The following CDADC1 variants were observed in gnomAD, a reference collection of about 807,000 sequenced individuals.
CDADC1 encodes the protein cytidine and dCMP deaminase domain containing 1, also known as dCTP deaminase.
CDADC1 carries 39 observed loss-of-function variants against 54.9 expected under a neutral mutation model. The ratio of observed to expected loss-of-function variants is 0.71; its 90% CI spans 0.55 to 0.93. The LOEUF is 0.93. Among genes scored for constraint, CDADC1 ranks in the 40% least tolerant of loss-of-function variants. The pLI is 0.00. For synonymous variants in CDADC1, 186 were observed against 204.0 expected (o/e 0.91, Z 0.75); for missense variants, 518 against 618.8 (o/e 0.84, Z 1.73).
In CDADC1 at chr13:49,248,941, A is replaced by T. The variant is rs1176000119; in HGVS notation, c.153A>T (p.Ala51=). 1 of 1,611,842 alleles carries T rather than the reference A, an allele frequency of 6.2e-7. No individual in the cohort carries two copies. Among genetic ancestry groups the T allele is most frequent in the African/African-American group, 1.3e-5 (1 of 74,908 alleles). The part of the protein sequence containing the change: ...LLSLWMELFP[A]EAQRQKSQKN... ...GCCTCTGGATGGAGCTCTTTCCAGC[A>T]GAAGCCCAGCGGCAAAAATCTCAGG... Residue 51 remains alanine (A), a synonymous_variant, in exon 2 of 10, where the codon GCA becomes GCT. Coordinates refer to ENST00000251108, the MANE Select transcript of CDADC1 (RefSeq NM_030911.4).
Position 49,282,767 on chromosome 13 carries a change from A to G in CDADC1, c.1410+2069A>G, listed in dbSNP as rs1335453026. ...AAGCTCTGCCTCCGGCCAGATCAGC[A>G]GCGGCATTAGATTCTCATGTGAGTG... is the stretch of plus-strand genomic sequence containing the variant. On this transcript the variant is annotated intron_variant, in intron 8 of 9. Coordinates refer to ENST00000251108, the MANE Select transcript of CDADC1 (RefSeq NM_030911.4). Among the ~76,000 whole-genome samples the G allele has an allele frequency of 2.6e-5, 4 of 152,374 alleles. No individual in the cohort carries two copies. In the South Asian group the frequency reaches 6.2e-4, roughly 24 times the overall value.
intron 6 of CDADC1, among the ~76,000 whole-genome samples, chr13:49,275,067 G>T (rs984531217): frequency 9.3e-5 from 14 of 150,358 alleles, no homozygotes; most frequent in African/African-American, 3.4e-4. Flanking sequence ...AGGATAACAT[G>T]AATATTCTTG....
At chr13:49,255,462 C>T (rs1952521815) in intron 2 of CDADC1, among the ~76,000 whole-genome samples, 1 of 152,216 alleles carries the variant, frequency 6.6e-6, no homozygotes. Context: ...ACCTTTGCTA[C>T]ATAGTTCCTT....
intron 6 of CDADC1, among the ~76,000 whole-genome samples, chr13:49,274,952 G>A (rs1023149223): frequency 6.6e-6 from 1 of 151,984 alleles, no homozygotes; most frequent in Non-Finnish European, 1.5e-5. Context: ...ACCTTTGCTT[G>A]GAAAAATAAG....
chr13:49,266,575 CAT>C (rs1206112285), intron 4 of CDADC1, among the ~76,000 whole-genome samples: 1 of 152,198 alleles, frequency 6.6e-6, no homozygotes, highest in African/African-American at 2.4e-5. Flanking sequence ...CCCAACATCA[CAT>C]AAGAATTTTT....
Position 49,248,037 on chromosome 13 carries a change from G to A in CDADC1, c.-1G>A. On this transcript the variant is annotated 5_prime_UTR_variant, in exon 1 of 10. Coordinates refer to ENST00000251108, the MANE Select transcript of CDADC1 (RefSeq NM_030911.4). ...TGGCAGCAGAGGACGCTAGGTTTGGGATGAAAGAAGCTGGGCAGATGCAAA... is the reference window on the plus strand; with the variant it reads ...TGGCAGCAGAGGACGCTAGGTTTGGAATGAAAGAAGCTGGGCAGATGCAAA... 2.6e-6 allele frequency: 4 copies of A among 1,552,774 alleles called. No individual in the cohort carries two copies. The highest frequency in any genetic ancestry group is 3.5e-6 in the Non-Finnish European group (4 of 1,147,666).
intron 2 of CDADC1, among the ~76,000 whole-genome samples, chr13:49,253,902 C>T (rs1403830454): frequency 6.6e-6 from 1 of 152,188 alleles, no homozygotes; most frequent in Non-Finnish European, 1.5e-5. Context: ...CCTCACTGTA[C>T]TTTTCCAGAA....
In CDADC1 at chr13:49,287,472, ATCTATCTATCTATCT is replaced by A. The variant is rs1428160284; in HGVS notation, c.1471+1191_1471+1205del. 5.1e-4 allele frequency among the ~76,000 whole-genome samples: 6 copies of A among 11,710 alleles called. No individual in the cohort carries two copies. The East Asian group carries it at 0.097, about 189-fold the overall frequency. 7.7% of individuals were successfully genotyped at this position (11,710 alleles called of 152,430 possible). A position where few individuals can be genotyped will look rare whatever the true frequency, so the allele number is the denominator to read the frequency against. ...TTTATTAGCAAAAAAGGCTGTATCT[ATCTATCTATCTATCT>A]ATCTATCTATCTATCTATCTATCGG... On this transcript the variant is annotated intron_variant, in intron 9 of 9. Transcript: ENST00000251108.
chr13:49,263,514 G>C (rs1413622823), intron 4 of CDADC1, among the ~76,000 whole-genome samples: 1 of 152,094 alleles, frequency 6.6e-6, no homozygotes, highest in Non-Finnish European at 1.5e-5. Context: ...TTGTTGATAT[G>C]GTTTCAGATT....
At chr13:49,249,661 C>T (rs936988749) in intron 2 of CDADC1, among the ~76,000 whole-genome samples, 22 of 152,052 alleles carry the variant, frequency 1.4e-4, no homozygotes, top group African/African-American at 5.3e-4. Context: ...TTGAACGAAT[C>T]GTTGGAGGTT....
At chr13:49,278,071 A>C (rs1298168389) in intron 6 of CDADC1, among the ~76,000 whole-genome samples, 1 of 152,210 alleles carries the variant, frequency 6.6e-6, no homozygotes, top group Non-Finnish European at 1.5e-5. Flanking sequence ...CAAGTGAAAT[A>C]ATTTGTTAGT....
chr13:49,252,322 C>T (rs774653503), intron 2 of CDADC1, among the ~76,000 whole-genome samples: 54 of 152,158 alleles, frequency 3.5e-4, no homozygotes, highest in Admixed American at 7.9e-4. Flanking sequence ...GAGGGAGAGC[C>T]TCAGGATTAC....
At chr13:49,257,006 A>G (rs1350064745) in intron 3 of CDADC1, among the ~76,000 whole-genome samples, 3 of 152,224 alleles carry the variant, frequency 2.0e-5, no homozygotes, top group Non-Finnish European at 4.4e-5. Flanking sequence ...ATGTTAGCGA[A>G]GTGAGGCAAA....
intron 2 of CDADC1, among the ~76,000 whole-genome samples, chr13:49,253,804 C>T (rs188441832): frequency 6.6e-6 from 1 of 152,260 alleles, no homozygotes; most frequent in East Asian, 1.9e-4. Flanking sequence ...GCCTCAGCCT[C>T]CCGAAGTGGT....
At chr13:49,287,504 A>G (rs78436087) in intron 9 of CDADC1, among the ~76,000 whole-genome samples, 6 of 127,404 alleles carry the variant, frequency 4.7e-5, no homozygotes, top group African/African-American at 1.6e-4. Context: ...CTATCTATCT[A>G]TCTATCGGTC....
chr13:49,272,032 C>G (rs1304837627), intron 5 of CDADC1, among the ~76,000 whole-genome samples: 3 of 152,006 alleles, frequency 2.0e-5, no homozygotes, highest in African/African-American at 7.2e-5. Flanking sequence ...AGCTAGGCAG[C>G]AGAGCTGCAT....
Position 49,291,820 on chromosome 13 carries a change from C to T in CDADC1, c.*63C>T. 1 of 1,557,132 alleles carries T rather than the reference C, an allele frequency of 6.4e-7. No homozygotes were observed. The highest frequency in any genetic ancestry group is 8.7e-7 in the Non-Finnish European group (1 of 1,153,754). Reference sequence around the variant, plus strand: ...TTTCATTGCACTTCTAAAATTCAGCCTTGTTCATTCAGAAAATAAGGATGG... The same window carrying T: ...TTTCATTGCACTTCTAAAATTCAGCTTTGTTCATTCAGAAAATAAGGATGG... On this transcript the variant is annotated 3_prime_UTR_variant, in exon 10 of 10. Transcript: ENST00000251108.
intron 6 of CDADC1, among the ~76,000 whole-genome samples, chr13:49,274,808 C>G (rs1349661941): frequency 6.6e-5 from 10 of 152,224 alleles, no homozygotes; most frequent in African/African-American, 1.9e-4. Context: ...AGGTTAGGCA[C>G]TGTGCCACAG....
chr13:49,274,456 G>A (rs1953048001), intron 6 of CDADC1, 116 bp downstream of exon 6: 5 of 651,720 alleles, frequency 7.7e-6, no homozygotes, highest in Non-Finnish European at 1.3e-5. Context: ...AAGGTCAGGA[G>A]ATTGAGACCA....
Sources: gnomAD v4.1 joint callset for allele counts (sites outside exome capture counted in the v4.1 genomes callset) on GRCh38, gnomAD v4.1.1 for gene constraint, MANE v1.5 for transcripts, NCBI Gene and HGNC (gene_info 2026-07-23, HGNC 2026-07-21) for gene names.